The following CABCOCO1 variants were observed in gnomAD, a reference collection of about 807,000 sequenced individuals.
CABCOCO1 encodes the protein ciliary associated calcium binding coiled-coil 1.
In CABCOCO1, 28 loss-of-function variants were observed where a neutral mutation model predicts 35.7. The observed-to-expected ratio is 0.78, with a 90% CI of 0.58 to 1.07. CABCOCO1 has a LOEUF of 1.07. CABCOCO1 is among the 50% of genes least tolerant of loss of function. The pLI is 0.00. For synonymous variants in CABCOCO1, 95 were observed against 100.1 expected (o/e 0.95, Z 0.30); for missense variants, 326 against 309.2 (o/e 1.05, Z -0.41).
At chr10:61,729,513 G>T (rs1415579884) in intron 5 of CABCOCO1, among the ~76,000 whole-genome samples, 1 of 152,150 alleles carries the variant, frequency 6.6e-6, no homozygotes. Flanking sequence ...TACACTGTTG[G>T]TGGGAATGCA....
At chr10:61,738,025 C>CA (rs1034476239) in intron 5 of CABCOCO1, among the ~76,000 whole-genome samples, 267 of 144,488 alleles carry the variant, frequency 1.8e-3, no homozygotes, top group African/African-American at 3.7e-3. Context: ...AAAGCGTATA[C>CA]AAAAAAACAA....
chr10:61,737,690 AAACT>A (rs1841452864), intron 5 of CABCOCO1, among the ~76,000 whole-genome samples: 1 of 152,200 alleles, frequency 6.6e-6, no homozygotes, highest in East Asian at 1.9e-4. Flanking sequence ...CATCTTTAGC[AAACT>A]AACACAGGAA....
chr10:61,738,356 C>T (rs968040998), intron 5 of CABCOCO1, among the ~76,000 whole-genome samples: 11 of 152,132 alleles, frequency 7.2e-5, no homozygotes, highest in African/African-American at 2.7e-4. Flanking sequence ...TTGGTACTGT[C>T]TATTTCTGGA....
At chr10:61,758,474 G>T (rs12761488) in intron 5 of CABCOCO1, among the ~76,000 whole-genome samples, 20,880 of 152,060 alleles carry the variant, frequency 0.14, 1,819 homozygotes, top group East Asian at 0.24. Flanking sequence ...TAAGAGAAAA[G>T]AACTGTTCTG....
At position 61,705,008 on chromosome 10, in the gene CABCOCO1, G is replaced by A. The variant is rs186969669; in HGVS notation, c.552+14387G>A. ...GGTGCTTAATAAATATCTGTTCATAGTATAAGCAAACTTCAAATTCTTTTG... is the reference window on the plus strand; with the variant it reads ...GGTGCTTAATAAATATCTGTTCATAATATAAGCAAACTTCAAATTCTTTTG... On this transcript the variant is annotated intron_variant, in intron 5 of 7. Coordinates refer to ENST00000648843, the MANE Select transcript of CABCOCO1 (RefSeq NM_001366906.2). 1.6e-4 allele frequency among the ~76,000 whole-genome samples: 25 copies of A among 151,942 alleles called. No homozygotes were observed. In the East Asian group the frequency reaches 3.3e-3, roughly 20 times the overall value.
chr10:61,704,663 T>C (rs1840551286), intron 5 of CABCOCO1, among the ~76,000 whole-genome samples: 1 of 152,194 alleles, frequency 6.6e-6, no homozygotes, highest in Non-Finnish European at 1.5e-5. Flanking sequence ...TGTGTATTTC[T>C]AAGTATTTGC....
At chr10:61,761,733 A>T (rs1842013605) in intron 7 of CABCOCO1, among the ~76,000 whole-genome samples, 1 of 152,126 alleles carries the variant, frequency 6.6e-6, no homozygotes, top group African/African-American at 2.4e-5. Context: ...GTGCATATTT[A>T]AAATATTAAT....
rs944620490 is a variant in CABCOCO1, at chr10:61,766,094, G to A, written c.*81G>A. 92 of 1,266,352 alleles carry A rather than the reference G, an allele frequency of 7.3e-5. No homozygotes were observed. Among genetic ancestry groups the A allele is most frequent in the South Asian group, 4.1e-4 (31 of 75,478 alleles). 78.4% of individuals were successfully genotyped at this position (1,266,352 alleles called of 1,614,324 possible). ...AGAATAACAGACTCTCTGGAGCGTC[G>A]TGTCTCCATCACTTAGTTGTGAAAG... On this transcript the variant is annotated 3_prime_UTR_variant, in exon 8 of 8. Coordinates refer to ENST00000648843, the MANE Select transcript of CABCOCO1 (RefSeq NM_001366906.2).
intron 5 of CABCOCO1, among the ~76,000 whole-genome samples, chr10:61,713,497 T>C (rs944354291): frequency 6.6e-6 from 1 of 152,186 alleles, no homozygotes; most frequent in Non-Finnish European, 1.5e-5. Flanking sequence ...TTGAATACGC[T>C]TTATTTCTTT....
At chr10:61,726,083 T>A (rs944140053) in intron 5 of CABCOCO1, among the ~76,000 whole-genome samples, 36 of 152,322 alleles carry the variant, frequency 2.4e-4, no homozygotes, top group Non-Finnish European at 4.4e-4. Flanking sequence ...TGCGATTTTT[T>A]AAAATCTATC....
intron 3 of CABCOCO1, 112 bp downstream of exon 3, chr10:61,681,424 GT>G (rs1453932402): frequency 1.3e-6 from 1 of 780,726 alleles, no homozygotes; most frequent in African/African-American, 1.8e-5. Context: ...AAAAATACGG[GT>G]TTTTCCTGAG....
At chr10:61,756,324 T>C (rs1023429088) in intron 5 of CABCOCO1, among the ~76,000 whole-genome samples, 3 of 151,994 alleles carry the variant, frequency 2.0e-5, no homozygotes, top group African/African-American at 7.2e-5. Flanking sequence ...CTGGGGGAAA[T>C]GTATATTGGC....
intron 7 of CABCOCO1, among the ~76,000 whole-genome samples, chr10:61,765,549 C>T (rs1297380523): frequency 6.6e-6 from 1 of 152,184 alleles, no homozygotes; most frequent in South Asian, 2.1e-4. Context: ...ACACGGGAGA[C>T]ACAGACATCC....
chr10:61,705,102 G>T (rs937778853), intron 5 of CABCOCO1, among the ~76,000 whole-genome samples: 1 of 152,210 alleles, frequency 6.6e-6, no homozygotes, highest in Non-Finnish European at 1.5e-5. Context: ...GTTATGGAGA[G>T]AGGTGCTTCA....
intron 1 of CABCOCO1, among the ~76,000 whole-genome samples, chr10:61,666,504 A>G (rs1416287923): frequency 6.6e-6 from 1 of 152,214 alleles, no homozygotes; most frequent in Non-Finnish European, 1.5e-5. Context: ...TTCTGGCTGT[A>G]GCATGGAGAT....
chr10:61,731,797 G>T (rs1321908872), intron 5 of CABCOCO1, among the ~76,000 whole-genome samples: 3 of 145,794 alleles, frequency 2.1e-5, no homozygotes, highest in Non-Finnish European at 4.5e-5. Context: ...GGAGGGAAGG[G>T]GGGGAAAGTT....
At chr10:61,687,560 G>T (rs1840004381) in intron 4 of CABCOCO1, among the ~76,000 whole-genome samples, 1 of 152,238 alleles carries the variant, frequency 6.6e-6, no homozygotes, top group East Asian at 1.9e-4. Context: ...CCATGCAGGT[G>T]CCATAATGAC....
chr10:61,750,865 G>T (rs760595933), intron 5 of CABCOCO1, among the ~76,000 whole-genome samples: 1 of 152,166 alleles, frequency 6.6e-6, no homozygotes. Flanking sequence ...AATGCCCCCC[G>T]TGTATAAAGG....
In CABCOCO1 at chr10:61,760,197, T is replaced by C. The variant is rs202052143; in HGVS notation, c.675+16T>C. 172 of 1,608,730 alleles carry C rather than the reference T, an allele frequency of 1.1e-4. 1 individual carries two copies. The East Asian group carries it at 3.5e-3, about 33-fold the overall frequency. ...GGAAATGAAGGTATATTTCTTTTTGTCTTTCCATTCACCCTACCTCATCAT... is the reference window on the plus strand; with the variant it reads ...GGAAATGAAGGTATATTTCTTTTTGCCTTTCCATTCACCCTACCTCATCAT... On this transcript the variant is annotated intron_variant, in intron 6 of 7. Transcript: ENST00000648843.
Sources: gnomAD v4.1 joint callset for allele counts (sites outside exome capture counted in the v4.1 genomes callset) on GRCh38, gnomAD v4.1.1 for gene constraint, MANE v1.5 for transcripts, NCBI Gene and HGNC (gene_info 2026-07-23, HGNC 2026-07-21) for gene names.